The following FHIT variants were observed in gnomAD, a reference collection of about 807,000 sequenced individuals.
The protein encoded by FHIT is fragile histidine triad diadenosine triphosphatase.
FHIT carries 19 observed loss-of-function variants against 17.9 expected under a neutral mutation model. The observed-to-expected ratio is 1.06, with a 90% CI of 0.74 to 1.56. The LOEUF is 1.56. FHIT is among the 40% of genes most tolerant of loss of function. The probability of loss-of-function intolerance (pLI) is 0.00; values close to 1 mark genes in which losing one functional copy is unlikely to be tolerated. For synonymous variants in FHIT, 81 were observed against 69.7 expected, an observed-to-expected ratio of 1.16 and a Z score of -0.81; for missense variants, 248 against 189.2, an observed-to-expected ratio of 1.31 and a Z score of -1.82.
intron 5 of FHIT, among the ~76,000 whole-genome samples, chr3:60,139,499 C>T (rs933177299): frequency 6.6e-6 from 1 of 152,188 alleles, no homozygotes; most frequent in African/African-American, 2.4e-5. Context: ...AGCTTAGAAG[C>T]TTTCTCAGCC....
At chr3:60,397,437 C>T (rs1453227711) in intron 5 of FHIT, among the ~76,000 whole-genome samples, 1 of 152,114 alleles carries the variant, frequency 6.6e-6, no homozygotes, top group Admixed American at 6.5e-5. Flanking sequence ...ACTAGGAGTC[C>T]TTGAGCCCAT....
intron 7 of FHIT, among the ~76,000 whole-genome samples, chr3:59,986,801 T>TAATATAAATATA (rs1175283552): frequency 2.1e-5 from 1 of 47,544 alleles, no homozygotes; most frequent in African/African-American, 8.5e-5. Flanking sequence ...TATAAATATA[T>TAATATAAATATA]TTTGTATTAT....
At chr3:60,608,704 T>C (rs1215361507) in intron 4 of FHIT, among the ~76,000 whole-genome samples, 2 of 152,162 alleles carry the variant, frequency 1.3e-5, no homozygotes, top group Admixed American at 1.3e-4. Flanking sequence ...TTTTTAGGAA[T>C]ATATTTTAGG....
chr3:60,055,569 T>A (rs904905083), intron 5 of FHIT, among the ~76,000 whole-genome samples: 1 of 151,998 alleles, frequency 6.6e-6, no homozygotes, highest in African/African-American at 2.4e-5. Context: ...AAAAACTGTA[T>A]TGCAAACAAT....
chr3:59,804,652 A>G (rs1700125699), intron 8 of FHIT, among the ~76,000 whole-genome samples: 1 of 152,140 alleles, frequency 6.6e-6, no homozygotes, highest in South Asian at 2.1e-4. Context: ...TAAAGTTATG[A>G]AGTCATTTAC....
intron 4 of FHIT, among the ~76,000 whole-genome samples, chr3:60,576,370 C>T (rs2037565398): frequency 6.6e-6 from 1 of 152,050 alleles, no homozygotes; most frequent in African/African-American, 2.4e-5. Context: ...GTTTAATAAA[C>T]ACCAAGGGTA....
At chr3:59,859,275 G>C (rs974406398) in intron 8 of FHIT, among the ~76,000 whole-genome samples, 33 of 152,198 alleles carry the variant, frequency 2.2e-4, no homozygotes, top group Admixed American at 2.1e-3. Context: ...CAGCGTTTTT[G>C]TGGAATTCCT....
At position 60,383,635 on chromosome 3, in the gene FHIT, G is replaced by A. The variant is rs1163212368; in HGVS notation, c.103+153225C>T. Among the ~76,000 whole-genome samples, 3 of 150,806 alleles carry A rather than the reference G, an allele frequency of 2.0e-5. No individual in the cohort carries two copies. In the East Asian group the frequency reaches 5.8e-4, roughly 29 times the overall value. On this transcript the variant is annotated intron_variant, in intron 5 of 9. Coordinates refer to ENST00000492590, the MANE Select transcript of FHIT (RefSeq NM_002012.4). The stretch of plus-strand genomic sequence containing the variant: ...ACTATCATTTAAATGATTATTCCAG[G>A]ACTTCTATGGACATGAGCTACTGAA...
At chr3:60,923,697 G>C (rs782306711) in intron 3 of FHIT, among the ~76,000 whole-genome samples, 19 of 152,104 alleles carry the variant, frequency 1.2e-4, no homozygotes, top group Non-Finnish European at 2.4e-4. Flanking sequence ...ACTGAGGAGT[G>C]TCGGACAGTG....
At chr3:60,790,161 T>C (rs531849190) in intron 4 of FHIT, among the ~76,000 whole-genome samples, 1 of 152,328 alleles carries the variant, frequency 6.6e-6, no homozygotes, top group Non-Finnish European at 1.5e-5. Flanking sequence ...GTCTTGTTGG[T>C]TTATTAATAT....
At chr3:61,019,470 A>G (rs1177677485) in intron 3 of FHIT, among the ~76,000 whole-genome samples, 1 of 152,210 alleles carries the variant, frequency 6.6e-6, no homozygotes. Flanking sequence ...CCCAATCATT[A>G]AGTATATGTT....
At chr3:60,991,151 C>T (rs1340362881) in intron 3 of FHIT, among the ~76,000 whole-genome samples, 2 of 152,112 alleles carry the variant, frequency 1.3e-5, no homozygotes, top group Non-Finnish European at 2.9e-5. Context: ...ATTTAAGCAA[C>T]AAGTTGAATT....
intron 4 of FHIT, among the ~76,000 whole-genome samples, chr3:60,561,042 GA>G (rs1254361487): frequency 9.9e-5 from 15 of 151,898 alleles, no homozygotes; most frequent in Non-Finnish European, 1.9e-4. Context: ...AACATCAGCT[GA>G]ATGAACAAAT....
intron 7 of FHIT, among the ~76,000 whole-genome samples, chr3:59,987,124 G>C (rs1709016834): frequency 7.3e-6 from 1 of 137,206 alleles, no homozygotes; most frequent in African/African-American, 2.7e-5. Context: ...ATTTTATATA[G>C]ATATAAAATA....
chr3:60,785,932 C>CAGAGAGAG (rs1218784098), intron 4 of FHIT, among the ~76,000 whole-genome samples: 1 of 124,372 alleles, frequency 8.0e-6, no homozygotes, highest in African/African-American at 3.0e-5. Flanking sequence ...CACACACACA[C>CAGAGAGAG]ACAGAGAGAG....
chr3:60,571,394 G>A (rs2037379278), intron 4 of FHIT, among the ~76,000 whole-genome samples: 1 of 125,680 alleles, frequency 8.0e-6, no homozygotes, highest in Admixed American at 8.1e-5. Context: ...CCAACACTGA[G>A]ATCAAGAAAA....
intron 5 of FHIT, among the ~76,000 whole-genome samples, chr3:60,121,908 C>A (rs933915000): frequency 6.6e-6 from 1 of 152,128 alleles, no homozygotes; most frequent in Non-Finnish European, 1.5e-5. Flanking sequence ...GTTGTATCTA[C>A]AGTCAACTAA....
At chr3:60,890,811 G>A (rs1485949565) in intron 3 of FHIT, among the ~76,000 whole-genome samples, 1 of 152,180 alleles carries the variant, frequency 6.6e-6, no homozygotes, top group Non-Finnish European at 1.5e-5. Context: ...CATGGAGTTA[G>A]TTATGTCTTA....
intron 5 of FHIT, among the ~76,000 whole-genome samples, chr3:60,117,493 C>A (rs112879800): frequency 0.019 from 1,438 of 75,186 alleles, 33 homozygotes; most frequent in African/African-American, 0.069. Context: ...TACTTCCTAT[C>A]TAAAAAAAAA....
Sources: allele counts gnomAD v4.1 joint callset (sites outside exome capture counted in the v4.1 genomes callset), GRCh38; gene constraint gnomAD v4.1.1; transcripts MANE v1.5; gene names NCBI Gene and HGNC (gene_info 2026-07-23, HGNC 2026-07-21).